PPEF1: variants seen among roughly 807,000 people sequenced by gnomAD.
PPEF1 encodes the protein serine/threonine-protein phosphatase with EF-hands 1.
Under a neutral mutation model 53.3 loss-of-function variants are expected in PPEF1, and 12 were observed. That is an observed-to-expected ratio of 0.23 (90% CI 0.14 to 0.36). PPEF1 has a LOEUF of 0.36. Among genes scored for constraint, PPEF1 ranks in the 10% least tolerant of loss-of-function variants. The probability of loss-of-function intolerance (pLI) is 1.00; values close to 1 mark genes in which losing one functional copy is unlikely to be tolerated. For missense variants in PPEF1, 334 were observed against 490.4 expected (o/e 0.68, Z 3.01); for synonymous variants, 165 against 176.7 (o/e 0.93, Z 0.52).
At chrX:18,800,050 T>G (rs2046518481) in intron 10 of PPEF1, among the ~76,000 whole-genome samples, 1 of 111,606 alleles carries the variant, frequency 9.0e-6, no homozygotes, top group Admixed American at 9.6e-5. Context: ...TGTTACCCCT[T>G]ATGACTTAGA....
At chrX:18,796,949 T>C (rs2046442225) in intron 10 of PPEF1, among the ~76,000 whole-genome samples, 1 of 111,282 alleles carries the variant, frequency 9.0e-6, no homozygotes, top group South Asian at 3.8e-4. Flanking sequence ...TCTGGAAGCC[T>C]AGAAGAGTTA....
intron 12 of PPEF1, among the ~76,000 whole-genome samples, chrX:18,809,389 C>T (rs773049980): frequency 1.6e-3 from 175 of 110,175 alleles, no homozygotes; most frequent in Non-Finnish European, 2.9e-3. Flanking sequence ...ATGTTAAGTA[C>T]AGGCACAACC....
intron 12 of PPEF1, among the ~76,000 whole-genome samples, chrX:18,815,002 C>T (rs1035828819): frequency 3.6e-5 from 4 of 111,261 alleles, no homozygotes; most frequent in African/African-American, 1.3e-4. Flanking sequence ...AAGTCTAATC[C>T]ATCTTGAGTT....
chrX:18,704,476 G>A (rs181970223), upstream of PPEF1, among the ~76,000 whole-genome samples: 321 of 110,191 alleles, frequency 2.9e-3, 2 homozygotes, highest in Non-Finnish European at 5.1e-3. Context: ...GTGAGCACTC[G>A]AGTTGGAGAG....
At chrX:18,716,096 A>G (rs996726941) in intron 1 of PPEF1, among the ~76,000 whole-genome samples, 1 of 112,137 alleles carries the variant, frequency 8.9e-6, no homozygotes, top group Non-Finnish European at 1.9e-5. Context: ...AAGCTGTGAC[A>G]AATAGAAGTT....
chrX:18,724,881 GC>G (rs776692854), intron 1 of PPEF1, among the ~76,000 whole-genome samples: 15 of 110,965 alleles, frequency 1.4e-4, no homozygotes, highest in African/African-American at 4.3e-4. Flanking sequence ...TCCTCAGCTG[GC>G]TAGTGCTGTC....
intron 3 of PPEF1, among the ~76,000 whole-genome samples, chrX:18,748,065 G>C (rs1279507868): frequency 3.6e-5 from 4 of 111,924 alleles, no homozygotes; most frequent in Non-Finnish European, 7.5e-5. Context: ...CTGAGATAAA[G>C]TTGTCAAGAT....
intron 4 of PPEF1, among the ~76,000 whole-genome samples, chrX:18,755,583 AAG>A (rs2045531564): frequency 9.0e-6 from 1 of 110,687 alleles, no homozygotes; most frequent in Non-Finnish European, 1.9e-5. Flanking sequence ...CCCCCAAAAA[AAG>A]AGTGTATGGT....
intron 1 of PPEF1, among the ~76,000 whole-genome samples, chrX:18,677,318 C>T (rs1928714280): frequency 8.9e-6 from 1 of 112,362 alleles, no homozygotes; most frequent in Non-Finnish European, 1.9e-5. Flanking sequence ...GGATTGCAGG[C>T]GTAAGCCACC....
chrX:18,738,213 C>G (rs1235272969), intron 3 of PPEF1, among the ~76,000 whole-genome samples: 1 of 111,735 alleles, frequency 8.9e-6, no homozygotes, highest in Non-Finnish European at 1.9e-5. Flanking sequence ...CAGTTTCTTC[C>G]TAGCCACGAT....
At chrX:18,754,320 C>T (rs1602415696) in intron 4 of PPEF1, among the ~76,000 whole-genome samples, 2 of 111,075 alleles carry the variant, frequency 1.8e-5, no homozygotes, top group African/African-American at 3.3e-5. Context: ...GTTTTTGTGG[C>T]GGAATGGGAC....
At chrX:18,760,965 G>A (rs1264229099) in intron 5 of PPEF1, among the ~76,000 whole-genome samples, 1 of 109,833 alleles carries the variant, frequency 9.1e-6, no homozygotes, top group Non-Finnish European at 1.9e-5. Flanking sequence ...ATTTTTAGTA[G>A]AGACGGGGTT....
rs148121773 is a variant in PPEF1, at chrX:18,701,041, T to G, written c.-123+606T>G. Among the ~76,000 whole-genome samples the G allele has an allele frequency of 4.5e-5, 5 of 111,387 alleles. No individual in the cohort carries two copies. In the East Asian group the frequency reaches 1.4e-3, roughly 31 times the overall value. ...GCCACTAATCAGCTACGCCAGGGAG[T>G]GTGTTATTTGAGTCTCAGTTTTGTT... On this transcript the variant is annotated intron_variant, in intron 6 of 21. Transcript: ENST00000361511.
chrX:18,775,211 CTT>C (rs765208120), intron 6 of PPEF1, among the ~76,000 whole-genome samples: 1 of 50,167 alleles, frequency 2.0e-5, no homozygotes, highest in Non-Finnish European at 3.3e-5. Context: ...TAACCCATTG[CTT>C]TTTTTTTTTT....
chrX:18,766,776 C>T lies in PPEF1; in HGVS notation c.558+5200C>T, dbSNP rs187272963. Reference sequence around the variant, plus strand: ...AAAATTAAAACGTTCTGGCTGGGCACGGTGGCTCACGCCTGTAATCCCAGC... The same window carrying T: ...AAAATTAAAACGTTCTGGCTGGGCATGGTGGCTCACGCCTGTAATCCCAGC... On this transcript the variant is annotated intron_variant, in intron 6 of 15. Coordinates refer to ENST00000470157, the MANE Select transcript of PPEF1 (RefSeq NM_001377996.1). Among the ~76,000 whole-genome samples the T allele has an allele frequency of 9.5e-3, 1,071 of 112,470 alleles. 15 individuals carry two copies. The highest frequency in any genetic ancestry group is 0.033 in the African/African-American group (1,023 of 30,992).
chrX:18,776,853 G>A (rs970103074), intron 6 of PPEF1, among the ~76,000 whole-genome samples: 7 of 111,918 alleles, frequency 6.3e-5, no homozygotes, highest in Admixed American at 2.8e-4. Flanking sequence ...CTGGGAGGCG[G>A]AGGTTGCGGT....
chrX:18,821,527 C>G (rs1602492297), intron 13 of PPEF1, among the ~76,000 whole-genome samples: 1 of 110,851 alleles, frequency 9.0e-6, no homozygotes, highest in Admixed American at 9.7e-5. Context: ...TCTGCTTCAG[C>G]CTCCCCAAGT....
intron 10 of PPEF1, among the ~76,000 whole-genome samples, chrX:18,802,779 C>A (rs1373535597): frequency 3.6e-5 from 4 of 110,852 alleles, no homozygotes; most frequent in African/African-American, 1.3e-4. Context: ...CAATGAAGTT[C>A]TTTTAAGAGA....
chrX:18,821,598 G>A (rs1427888482), intron 13 of PPEF1, among the ~76,000 whole-genome samples: 1 of 110,161 alleles, frequency 9.1e-6, no homozygotes, highest in African/African-American at 3.3e-5. Flanking sequence ...TTTTAGTGGA[G>A]ACAAGGTTTC....
Sources: gnomAD v4.1 joint callset for allele counts (sites outside exome capture counted in the v4.1 genomes callset) on GRCh38, gnomAD v4.1.1 for gene constraint, MANE v1.5 for transcripts, NCBI Gene and HGNC (gene_info 2026-07-23, HGNC 2026-07-21) for gene names.